Variants in PIK3C3 observed in about 807,000 individuals in gnomAD.
PIK3C3 encodes the protein PI3-kinase type 3.
A neutral mutation model predicts 126.1 loss-of-function variants in PIK3C3; 95 were observed. The ratio of observed to expected loss-of-function variants is 0.75; its 90% CI spans 0.64 to 0.89. The LOEUF (loss-of-function observed/expected upper bound fraction) is 0.89, where lower values mean the gene tolerates loss of function less well. Ranked by LOEUF, PIK3C3 falls within the 40% of genes least tolerant of loss-of-function variation. The probability of loss-of-function intolerance (pLI) is 0.00; values close to 1 mark genes in which losing one functional copy is unlikely to be tolerated. For synonymous variants in PIK3C3, 374 were observed against 360.0 expected, an observed-to-expected ratio of 1.04 and a Z score of -0.44; for missense variants, 829 against 1,063.2, an observed-to-expected ratio of 0.78 and a Z score of 3.06.
intron 4 of PIK3C3, chr18:41,985,077 G>GC (rs1330004063): frequency 4.6e-5 from 7 of 152,138 alleles, no homozygotes; most frequent in Non-Finnish European, 8.8e-5. Context: ...TCCCGGCTAA[G>GC]CCCACCCTTT....
chr18:42,041,672 G>A (rs751014680), intron 19 of PIK3C3, among the ~76,000 whole-genome samples: 90 of 151,546 alleles, frequency 5.9e-4, no homozygotes, highest in Middle Eastern at 3.5e-3. Flanking sequence ...CTTGGTAGAT[G>A]ATGTTTGATA....
chr18:42,064,421 A>G (rs185163895), intron 22 of PIK3C3, among the ~76,000 whole-genome samples: 3 of 152,356 alleles, frequency 2.0e-5, no homozygotes, highest in South Asian at 4.1e-4. Context: ...TGAATTGCAC[A>G]TAAAGTAGAT....
chr18:42,081,184 G>T lies in PIK3C3; in HGVS notation c.*47G>T, dbSNP rs9651. 9.4e-4 allele frequency: 1,326 copies of T among 1,417,182 alleles called. 16 individuals carry two copies. The African/African-American group carries it at 0.017, about 18-fold the overall frequency. 87.8% of individuals were successfully genotyped at this position (1,417,182 alleles called of 1,614,324 possible). ...ATGCTTGGCTCAATAAGAAAACCAC[G>T]TTAGGAGCAACCTTTGTATATTGGA... On this transcript the variant is annotated 3_prime_UTR_variant, in exon 25 of 25. Coordinates refer to ENST00000262039, the MANE Select transcript of PIK3C3 (RefSeq NM_002647.4).
chr18:41,985,729 G>A (rs1188100074), intron 4 of PIK3C3, among the ~76,000 whole-genome samples: 1 of 152,106 alleles, frequency 6.6e-6, no homozygotes, highest in Admixed American at 6.6e-5. Flanking sequence ...GTACTGGCAT[G>A]CTGTCCATAC....
chr18:41,974,508 G>A (rs984280094), intron 4 of PIK3C3, among the ~76,000 whole-genome samples: 4 of 152,060 alleles, frequency 2.6e-5, no homozygotes, highest in African/African-American at 9.7e-5. Flanking sequence ...TAGACTTCTA[G>A]TAGGGAATGA....
At chr18:42,034,055 A>G in intron 16 of PIK3C3, 98 bp downstream of exon 16, 1 of 742,406 alleles carries the variant, frequency 1.3e-6, no homozygotes, top group South Asian at 2.5e-5. Flanking sequence ...CAGAGATCAC[A>G]TCTATAATTC....
rs1981145018 is a variant in PIK3C3, at chr18:41,980,552, A to G, written c.532-7260A>G. On this transcript the variant is annotated intron_variant, in intron 4 of 24. Transcript: ENST00000262039. Reference sequence around the variant, plus strand: ...TGTATATTACATTTACTTTTTACCCACAATATAAAACAATTCACTTTGGGA... The same window carrying G: ...TGTATATTACATTTACTTTTTACCCGCAATATAAAACAATTCACTTTGGGA... 2.0e-5 allele frequency among the ~76,000 whole-genome samples: 3 copies of G among 152,108 alleles called. No individual in the cohort carries two copies. The South Asian group carries it at 6.2e-4, about 31-fold the overall frequency.
chr18:41,956,213 T>C (rs1979763785), intron 1 of PIK3C3, among the ~76,000 whole-genome samples: 1 of 152,214 alleles, frequency 6.6e-6, no homozygotes, highest in African/African-American at 2.4e-5. Context: ...CTGCAGTAAG[T>C]GATAGATAAA....
intron 10 of PIK3C3, among the ~76,000 whole-genome samples, chr18:42,010,174 T>C (rs1982755411): frequency 1.3e-5 from 2 of 152,196 alleles, no homozygotes; most frequent in Admixed American, 1.3e-4. Context: ...TCAACAATGT[T>C]CACAGCATCT....
intron 6 of PIK3C3, 69 bp from the exon 7 acceptor site, chr18:41,993,201 T>G: frequency 1.2e-6 from 1 of 815,242 alleles, no homozygotes; most frequent in Non-Finnish European, 2.0e-6. Context: ...TACATTGATG[T>G]GTACATCATA....
At chr18:42,069,275 C>G (rs1054494251) in intron 24 of PIK3C3, among the ~76,000 whole-genome samples, 1 of 152,136 alleles carries the variant, frequency 6.6e-6, no homozygotes, top group Non-Finnish European at 1.5e-5. Context: ...TAGTATGTGA[C>G]TCATCAAAGT....
intron 21 of PIK3C3, among the ~76,000 whole-genome samples, chr18:42,054,144 A>ATCTATC (rs59790618): frequency 3.9e-4 from 7 of 17,912 alleles, no homozygotes; most frequent in Admixed American, 1.6e-3. Flanking sequence ...ATATATATAT[A>ATCTATC]TATATATATA....
At chr18:42,027,412 C>T (rs1384483477) in intron 13 of PIK3C3, 31 bp from the exon 14 acceptor site, 2 of 1,271,606 alleles carry the variant, frequency 1.6e-6, no homozygotes, top group South Asian at 2.6e-5. Context: ...TTTCATTTCA[C>T]ATCACATGAA....
chr18:42,055,835 CAA>C (rs1985039277), intron 21 of PIK3C3, among the ~76,000 whole-genome samples: 1 of 151,884 alleles, frequency 6.6e-6, no homozygotes, highest in African/African-American at 2.4e-5. Flanking sequence ...TAAATACTGT[CAA>C]AGAGAATAGT....
chr18:42,039,736 C>T (rs1046469658), intron 18 of PIK3C3, among the ~76,000 whole-genome samples: 5 of 152,210 alleles, frequency 3.3e-5, no homozygotes, highest in Non-Finnish European at 7.3e-5. Context: ...GGTCTCCTTA[C>T]ACTACTTCCT....
At chr18:42,019,652 A>G (rs2144416299) in intron 12 of PIK3C3, among the ~76,000 whole-genome samples, 1 of 152,046 alleles carries the variant, frequency 6.6e-6, no homozygotes, top group Non-Finnish European at 1.5e-5. Context: ...TTCTAGTCTC[A>G]CTTGATACTC....
chr18:42,009,663 CATTATGTAATGCTTACATTAT>C (rs1982716769), intron 10 of PIK3C3, among the ~76,000 whole-genome samples: 2 of 141,808 alleles, frequency 1.4e-5, no homozygotes, highest in African/African-American at 5.6e-5. Context: ...ATGTAATGTA[CATTATGTAATGCTTACATTAT>C]GTAATGTACA....
chr18:42,061,094 A>G (rs961480749), intron 22 of PIK3C3, among the ~76,000 whole-genome samples: 4 of 152,210 alleles, frequency 2.6e-5, no homozygotes, highest in African/African-American at 9.7e-5. Flanking sequence ...TTGTGTGACT[A>G]GAGTGTAGCA....
Position 42,087,097 on chromosome 18 carries a change from GTAC to G in PIK3C3, c.*5961_*5963del, listed in dbSNP as rs1986415288. On this transcript the variant is annotated 3_prime_UTR_variant, in exon 25 of 25. Coordinates refer to ENST00000262039, the MANE Select transcript of PIK3C3 (RefSeq NM_002647.4). ...TTTTGAAGTGGGTACATTGTCTGGA[GTAC>G]ATACCCTGGGGTTCATTGTTATAGG... 1 of 152,146 alleles carries G rather than the reference GTAC, an allele frequency of 6.6e-6. No homozygotes were observed. Among genetic ancestry groups the G allele is most frequent in the Non-Finnish European group, 1.5e-5 (1 of 68,060 alleles). 9.4% of individuals were successfully genotyped at this position (152,146 alleles called of 1,614,324 possible). A position where few individuals can be genotyped will look rare whatever the true frequency, so the allele number is the denominator to read the frequency against.
Sources: allele counts gnomAD v4.1 joint callset (sites outside exome capture counted in the v4.1 genomes callset), GRCh38; gene constraint gnomAD v4.1.1; transcripts MANE v1.5; gene names NCBI Gene and HGNC (gene_info 2026-07-23, HGNC 2026-07-21).